The following SH3PXD2B variants were observed in gnomAD, a reference collection of about 807,000 sequenced individuals.
The protein encoded by SH3PXD2B is SH3 and PX domain-containing protein 2B.
In SH3PXD2B, 37 loss-of-function variants were observed where a neutral mutation model predicts 73.1. That is an observed-to-expected ratio of 0.51 (90% CI 0.39 to 0.67). The LOEUF is 0.67. Ranked by LOEUF, SH3PXD2B falls within the 30% of genes least tolerant of loss-of-function variation. The pLI is 0.00. For synonymous variants in SH3PXD2B, 457 were observed against 480.5 expected (o/e 0.95, Z 0.64); for missense variants, 1,053 against 1,197.8 (o/e 0.88, Z 1.78).
At chr5:172,404,947 T>A (rs1384370480) in intron 3 of SH3PXD2B, among the ~76,000 whole-genome samples, 1 of 152,204 alleles carries the variant, frequency 6.6e-6, no homozygotes, top group Admixed American at 6.5e-5. Flanking sequence ...AGCCTCAATT[T>A]TCCTCATCTG....
At chr5:172,419,269 C>T (rs1305374248) in intron 2 of SH3PXD2B, among the ~76,000 whole-genome samples, 1 of 152,002 alleles carries the variant, frequency 6.6e-6, no homozygotes, top group Admixed American at 6.6e-5. Flanking sequence ...TGGACGCGTG[C>T]CTCGACATGT....
chr5:172,383,825 T>C (rs1357368420), intron 4 of SH3PXD2B, among the ~76,000 whole-genome samples: 3 of 151,468 alleles, frequency 2.0e-5, no homozygotes, highest in Non-Finnish European at 4.4e-5. Flanking sequence ...ATAGAAGAGA[T>C]GTGTCTTGCA....
chr5:172,353,967 C>A lies in SH3PXD2B; in HGVS notation c.706G>T (p.Asp236Tyr). 1 of 1,614,114 alleles carries A rather than the reference C, an allele frequency of 6.2e-7. No homozygotes were observed. The highest frequency in any genetic ancestry group is 8.5e-7 in the Non-Finnish European group (1 of 1,180,034). Residue 236 changes from aspartate to tyrosine, a missense_variant, in exon 9 of 13, where the codon GAC (aspartate) becomes TAC (tyrosine). This residue lies in a region of SH3PXD2B where 466 missense variants were observed against 607.1 expected (regional missense o/e 0.77). Coordinates refer to ENST00000311601, the MANE Select transcript of SH3PXD2B (RefSeq NM_001017995.3). The surrounding 1 kb of genome is among the most constrained non-coding windows in gnomAD (Gnocchi z 4.3). ...CTCTCCAGGTTCATTTCATCCTGGT[C>A]CCGAGCTGTGTACGGGTAGATGACT... ...YTVIYPYTARDQDEMNLERGA... is the reference protein window; with the variant it reads ...YTVIYPYTARYQDEMNLERGA...
chr5:172,349,879 C>T (rs1452082747), intron 10 of SH3PXD2B, among the ~76,000 whole-genome samples: 1 of 151,690 alleles, frequency 6.6e-6, no homozygotes, highest in Non-Finnish European at 1.5e-5. Flanking sequence ...AATGGAGTTT[C>T]ACTCTTGTCG....
chr5:172,373,017 A>G (rs1489777691), intron 6 of SH3PXD2B, among the ~76,000 whole-genome samples: 1 of 152,194 alleles, frequency 6.6e-6, no homozygotes, highest in Non-Finnish European at 1.5e-5. Flanking sequence ...TGCATACGCA[A>G]TTTCCCACCT....
intron 4 of SH3PXD2B, among the ~76,000 whole-genome samples, chr5:172,392,421 T>C (rs1476301182): frequency 6.6e-6 from 1 of 152,180 alleles, no homozygotes; most frequent in African/African-American, 2.4e-5. Context: ...GGTATTTTGC[T>C]ATGCAGCCCT....
chr5:172,433,507 CCTGT>C (rs1487330284), intron 1 of SH3PXD2B, among the ~76,000 whole-genome samples: 1 of 152,120 alleles, frequency 6.6e-6, no homozygotes, highest in African/African-American at 2.4e-5. Context: ...CTGAAAGAAA[CCTGT>C]CTGTGGGGCA....
At chr5:172,425,545 G>A (rs1759075976) in intron 1 of SH3PXD2B, among the ~76,000 whole-genome samples, 1 of 152,144 alleles carries the variant, frequency 6.6e-6, no homozygotes, top group Non-Finnish European at 1.5e-5. Context: ...GAACGAAGAT[G>A]TGGCAGCAGG....
At position 172,388,601 on chromosome 5, in the gene SH3PXD2B, G is replaced by A. The variant is rs369723359; in HGVS notation, c.309+5962C>T. Among the ~76,000 whole-genome samples the A allele has an allele frequency of 2.4e-4, 36 of 152,290 alleles. No individual in the cohort carries two copies. The South Asian group carries it at 7.1e-3, about 30-fold the overall frequency. On this transcript the variant is annotated intron_variant, in intron 4 of 12. Coordinates refer to ENST00000311601, the MANE Select transcript of SH3PXD2B (RefSeq NM_001017995.3). ...TCAAGCATCAGGCTGCTGCTATCCTGTATTACTCTCGGATTTTAAATTTCC... is the reference window on the plus strand; with the variant it reads ...TCAAGCATCAGGCTGCTGCTATCCTATATTACTCTCGGATTTTAAATTTCC...
Position 172,417,186 on chromosome 5 carries a change from A to AC in SH3PXD2B, c.156+5229_156+5230insG, listed in dbSNP as rs1175528829. Among the ~76,000 whole-genome samples, 13 of 152,192 alleles carry AC rather than the reference A, an allele frequency of 8.5e-5. 1 individual carries two copies. The highest frequency in any genetic ancestry group is 3.1e-4 in the African/African-American group (13 of 41,452). On this transcript the variant is annotated intron_variant, in intron 2 of 12. Coordinates refer to ENST00000311601, the MANE Select transcript of SH3PXD2B (RefSeq NM_001017995.3). ...CCAGGGAATCTGCCACTGCTCTGTTAGTCTCCATGCACTGGCAGGACACTG... is the reference window on the plus strand; with the variant it reads ...CCAGGGAATCTGCCACTGCTCTGTTACGTCTCCATGCACTGGCAGGACACTG...
rs1756750164 is a variant in SH3PXD2B at position 172,338,251 on chromosome 5, T to C, written c.*118A>G. 1.3e-6 allele frequency: 2 copies of C among 1,582,600 alleles called. No individual in the cohort carries two copies. On this transcript the variant is annotated 3_prime_UTR_variant, in exon 13 of 13. Coordinates refer to ENST00000311601, the MANE Select transcript of SH3PXD2B (RefSeq NM_001017995.3). The surrounding 1 kb of genome is among the most constrained non-coding windows in gnomAD (Gnocchi z 5.1). The stretch of plus-strand genomic sequence containing the variant: ...ACCCATGGGAGGCAAGAAGTCACAG[T>C]ACCCCAGAGTCTGTCTGCCTTGGAA...
At position 172,421,677 on chromosome 5, in the gene SH3PXD2B, C is replaced by A. The variant is rs892590111; in HGVS notation, c.156+739G>T. On this transcript the variant is annotated intron_variant, in intron 2 of 12. Transcript: ENST00000311601. This position sits in a 1 kb window ranked among gnomAD's most constrained non-coding sequence, Gnocchi z 4.0. ...AGGGGTTACTGGAGCCATGAGTGAG[C>A]CGGGAAGGCACAGGAGTGTGTGGGG... Among the ~76,000 whole-genome samples the A allele has an allele frequency of 6.6e-6, 1 of 152,064 alleles. No homozygotes were observed. Among genetic ancestry groups the A allele is most frequent in the African/African-American group, 2.4e-5 (1 of 41,390 alleles).
intron 3 of SH3PXD2B, among the ~76,000 whole-genome samples, chr5:172,404,452 C>A (rs552760575): frequency 1.7e-4 from 26 of 152,220 alleles, no homozygotes; most frequent in African/African-American, 5.8e-4. Flanking sequence ...CCACCACGCC[C>A]AGCTAATTTT....
In SH3PXD2B at chr5:172,353,092, C is replaced by T. The variant is rs115819091; in HGVS notation, c.785+796G>A. On this transcript the variant is annotated intron_variant, in intron 9 of 12. Coordinates refer to ENST00000311601, the MANE Select transcript of SH3PXD2B (RefSeq NM_001017995.3). The surrounding 1 kb of genome is among the most constrained non-coding windows in gnomAD (Gnocchi z 4.3). ...GGTGTGAGCTATTGTATCTTGCTCA[C>T]TGTTGACTCCTCAGCTCCCAGAACA... Among the ~76,000 whole-genome samples the T allele has an allele frequency of 0.016, 2,428 of 152,246 alleles. 63 individuals carry two copies. Among genetic ancestry groups the T allele is most frequent in the African/African-American group, 0.055 (2,275 of 41,518 alleles).
chr5:172,387,565 C>A (rs1758086860), intron 4 of SH3PXD2B, among the ~76,000 whole-genome samples: 1 of 152,162 alleles, frequency 6.6e-6, no homozygotes, highest in African/African-American at 2.4e-5. Context: ...ATTTTACTGT[C>A]AGACCACGGT....
intron 1 of SH3PXD2B, among the ~76,000 whole-genome samples, chr5:172,439,246 A>T (rs1759467020): frequency 1.1e-5 from 1 of 88,308 alleles, no homozygotes; most frequent in East Asian, 2.5e-4. Context: ...CAGAAAAAAA[A>T]AAAAGAAAAA....
intron 1 of SH3PXD2B, among the ~76,000 whole-genome samples, chr5:172,451,754 C>T (rs1759800957): frequency 6.6e-6 from 1 of 152,248 alleles, no homozygotes; most frequent in African/African-American, 2.4e-5. Flanking sequence ...CATGCCCGCT[C>T]TTTCCAGATT....
chr5:172,436,261 G>A (rs559884528), intron 1 of SH3PXD2B, among the ~76,000 whole-genome samples: 3 of 152,314 alleles, frequency 2.0e-5, no homozygotes, highest in South Asian at 2.1e-4. Flanking sequence ...GAGAGGCCCC[G>A]TGGGTGGGCT....
At chr5:172,342,925 G>T (rs1367190803) in intron 12 of SH3PXD2B, among the ~76,000 whole-genome samples, 1 of 152,216 alleles carries the variant, frequency 6.6e-6, no homozygotes, top group Non-Finnish European at 1.5e-5. Flanking sequence ...TGCAGTCCTG[G>T]GTTCTAGTCT....
Sources: allele counts gnomAD v4.1 joint callset (sites outside exome capture counted in the v4.1 genomes callset), GRCh38; gene constraint gnomAD v4.1.1; regional missense constraint gnomAD v4.1.1; non-coding constraint Gnocchi (gnomAD v3.1); transcripts MANE v1.5; gene names NCBI Gene and HGNC (gene_info 2026-07-23, HGNC 2026-07-21).